Variants in IMMP2L observed in about 807,000 individuals in gnomAD.
IMMP2L encodes inner mitochondrial membrane peptidase subunit 2.
IMMP2L carries 18 observed loss-of-function variants against 19.3 expected under a neutral mutation model. The observed-to-expected ratio is 0.93, with a 90% CI of 0.64 to 1.38. IMMP2L has a LOEUF of 1.38. Ranked by LOEUF, IMMP2L falls within the 40% of genes most tolerant of loss-of-function variation. The pLI, the probability that IMMP2L is intolerant of heterozygous loss-of-function variation, is 0.00. For missense variants in IMMP2L, 233 were observed against 218.2 expected (o/e 1.07, Z -0.43); for synonymous variants, 76 against 73.0 (o/e 1.04, Z -0.21).
chr7:111,263,840 CAAGG>C (rs1384716685), intron 3 of IMMP2L, among the ~76,000 whole-genome samples: 1 of 152,086 alleles, frequency 6.6e-6, no homozygotes, highest in Non-Finnish European at 1.5e-5. Context: ...GAAAGCATTT[CAAGG>C]AAGAAAGAAT....
chr7:110,726,874 T>A (rs1276072625), intron 5 of IMMP2L, among the ~76,000 whole-genome samples: 1 of 152,148 alleles, frequency 6.6e-6, no homozygotes, highest in Non-Finnish European at 1.5e-5. Flanking sequence ...TGTGAGTGTT[T>A]CCCTACGGAC....
chr7:111,141,811 C>T (rs1273204347), intron 3 of IMMP2L, among the ~76,000 whole-genome samples: 5 of 152,130 alleles, frequency 3.3e-5, no homozygotes, highest in Non-Finnish European at 7.3e-5. Context: ...AGTGATCCTC[C>T]TGCCTCAGGC....
At chr7:111,269,445 G>T (rs1818207191) in intron 3 of IMMP2L, among the ~76,000 whole-genome samples, 1 of 151,998 alleles carries the variant, frequency 6.6e-6, no homozygotes, top group Non-Finnish European at 1.5e-5. Flanking sequence ...AAATAAAGTG[G>T]CAAGTACAAA....
intron 3 of IMMP2L, among the ~76,000 whole-genome samples, chr7:111,278,417 A>G (rs1244802043): frequency 6.6e-6 from 1 of 152,156 alleles, no homozygotes; most frequent in African/African-American, 2.4e-5. Flanking sequence ...TCCACTCCCA[A>G]CAATTGTTTT....
chr7:110,844,725 G>C (rs897345883), intron 5 of IMMP2L, among the ~76,000 whole-genome samples: 4 of 58,560 alleles, frequency 6.8e-5, no homozygotes, highest in African/African-American at 7.3e-5. Context: ...CAGAAGGAGA[G>C]ATGGTGAAGC....
intron 3 of IMMP2L, among the ~76,000 whole-genome samples, chr7:111,101,301 CAG>C (rs1797948164): frequency 1.3e-5 from 2 of 151,442 alleles, no homozygotes; most frequent in East Asian, 3.9e-4. Flanking sequence ...AGTCATTGAA[CAG>C]AACCTTGGCA....
At chr7:110,690,776 A>T (rs1793438684) in intron 5 of IMMP2L, among the ~76,000 whole-genome samples, 1 of 152,134 alleles carries the variant, frequency 6.6e-6, no homozygotes, top group South Asian at 2.1e-4. Flanking sequence ...AAGGTGAAAG[A>T]TCTCTACAAG....
At chr7:111,011,193 G>A (rs540194688) in intron 3 of IMMP2L, among the ~76,000 whole-genome samples, 85 of 152,240 alleles carry the variant, frequency 5.6e-4, no homozygotes, top group African/African-American at 2.0e-3. Flanking sequence ...CCAGTGGAAA[G>A]AGAGAAAATC....
chr7:111,073,092 T>C (rs754052414), intron 3 of IMMP2L, among the ~76,000 whole-genome samples: 1 of 152,150 alleles, frequency 6.6e-6, no homozygotes, highest in African/African-American at 2.4e-5. Flanking sequence ...AATTTGATAA[T>C]TGTACTGTGG....
intron 3 of IMMP2L, among the ~76,000 whole-genome samples, chr7:111,404,940 T>A (rs1833790032): frequency 6.6e-6 from 1 of 152,112 alleles, no homozygotes; most frequent in Non-Finnish European, 1.5e-5. Context: ...CTACTTCACC[T>A]TGCATCTGTT....
chr7:111,267,281 G>A (rs186166493), intron 3 of IMMP2L, among the ~76,000 whole-genome samples: 1 of 152,058 alleles, frequency 6.6e-6, no homozygotes, highest in African/African-American at 2.4e-5. Context: ...TAGTGATTTA[G>A]GGGAATTTTA....
At chr7:111,297,595 A>T (rs1255108403) in intron 3 of IMMP2L, among the ~76,000 whole-genome samples, 1 of 152,164 alleles carries the variant, frequency 6.6e-6, no homozygotes, top group Non-Finnish European at 1.5e-5. Context: ...ATGACAACAC[A>T]ATGACTTGTG....
chr7:111,243,667 TC>T (rs1362289534), intron 3 of IMMP2L, among the ~76,000 whole-genome samples: 1 of 102,612 alleles, frequency 9.7e-6, no homozygotes, highest in Non-Finnish European at 1.9e-5. Context: ...CCCTCCCCCC[TC>T]CCCCGACCCC....
intron 3 of IMMP2L, among the ~76,000 whole-genome samples, chr7:111,276,116 T>C (rs539208709): frequency 6.6e-6 from 1 of 152,282 alleles, no homozygotes; most frequent in African/African-American, 2.4e-5. Flanking sequence ...TTGAGATATG[T>C]CCTTCTAAGG....
intron 3 of IMMP2L, among the ~76,000 whole-genome samples, chr7:111,116,687 A>C (rs1799919308): frequency 6.6e-6 from 1 of 152,130 alleles, no homozygotes; most frequent in East Asian, 1.9e-4. Context: ...AGGCCTAGAA[A>C]ACAGTTTTTA....
intron 3 of IMMP2L, among the ~76,000 whole-genome samples, chr7:111,208,081 G>A (rs963226568): frequency 2.6e-5 from 4 of 151,892 alleles, no homozygotes; most frequent in African/African-American, 9.7e-5. Context: ...TGTTTTTTCA[G>A]TCTTCAGTCA....
chr7:111,207,780 C>A (rs982995213), intron 3 of IMMP2L, among the ~76,000 whole-genome samples: 8 of 151,966 alleles, frequency 5.3e-5, no homozygotes, highest in African/African-American at 1.9e-4. Flanking sequence ...GTGATCTGCC[C>A]TCCTCAGCCT....
intron 4 of IMMP2L, among the ~76,000 whole-genome samples, chr7:110,933,718 T>C (rs1815758863): frequency 6.6e-6 from 1 of 152,144 alleles, no homozygotes; most frequent in African/African-American, 2.4e-5. Flanking sequence ...TCTAACTTTT[T>C]AGAAAACTGG....
intron 3 of IMMP2L, among the ~76,000 whole-genome samples, chr7:111,220,607 T>C (rs1812408866): frequency 6.6e-6 from 1 of 151,378 alleles, no homozygotes; most frequent in Non-Finnish European, 1.5e-5. Context: ...GATGGATGGA[T>C]GGATGGATGG....
Sources: gnomAD v4.1 joint callset for allele counts (sites outside exome capture counted in the v4.1 genomes callset) on GRCh38, gnomAD v4.1.1 for gene constraint, MANE v1.5 for transcripts, NCBI Gene and HGNC (gene_info 2026-07-23, HGNC 2026-07-21) for gene names.